Variants in DSCAM observed in about 807,000 individuals in gnomAD.
DSCAM encodes the protein cell adhesion molecule DSCAM.
In DSCAM, 47 loss-of-function variants were observed where a neutral mutation model predicts 217.7. The observed-to-expected ratio is 0.22, with a 90% CI of 0.17 to 0.28. DSCAM has a LOEUF of 0.28. Among genes scored for constraint, DSCAM ranks in the 10% least tolerant of loss-of-function variants. DSCAM has a pLI of 1.00. For synonymous variants in DSCAM, 1,056 were observed against 1,015.3 expected (o/e 1.04, Z -0.76); for missense variants, 2,080 against 2,618.3 (o/e 0.79, Z 4.49).
intron 3 of DSCAM, among the ~76,000 whole-genome samples, chr21:40,370,890 AG>A (rs1601593729): frequency 6.6e-6 from 1 of 152,244 alleles, no homozygotes; most frequent in East Asian, 1.9e-4. Flanking sequence ...CCAAAGTGCC[AG>A]GGAGTGTAAT....
intron 1 of DSCAM, among the ~76,000 whole-genome samples, chr21:40,718,712 A>G (rs1051299530): frequency 3.9e-5 from 6 of 152,230 alleles, no homozygotes; most frequent in African/African-American, 1.4e-4. Context: ...GACAAAAACC[A>G]GAAGTAAATC....
intron 16 of DSCAM, among the ~76,000 whole-genome samples, chr21:40,155,320 G>T (rs1424301132): frequency 6.6e-6 from 1 of 152,190 alleles, no homozygotes; most frequent in East Asian, 1.9e-4. Context: ...GACCTAGAGG[G>T]TGCACTCTGA....
At chr21:40,590,119 A>G (rs1208096974) in intron 3 of DSCAM, among the ~76,000 whole-genome samples, 1 of 152,244 alleles carries the variant, frequency 6.6e-6, no homozygotes, top group African/African-American at 2.4e-5. Flanking sequence ...CAATGTAACT[A>G]AGAAATAGAC....
At chr21:40,272,745 A>C (rs1046887178) in intron 11 of DSCAM, among the ~76,000 whole-genome samples, 1 of 152,198 alleles carries the variant, frequency 6.6e-6, no homozygotes, top group Non-Finnish European at 1.5e-5. Context: ...TCATCCAATT[A>C]GACAGCAAGG....
chr21:40,705,816 G>GT (rs1466411712), intron 2 of DSCAM, among the ~76,000 whole-genome samples: 1 of 152,148 alleles, frequency 6.6e-6, no homozygotes, highest in Non-Finnish European at 1.5e-5. Context: ...GTTTTTGGTT[G>GT]TTTCAGATAA....
At chr21:40,751,298 T>C (rs572077685) in intron 1 of DSCAM, among the ~76,000 whole-genome samples, 1 of 152,310 alleles carries the variant, frequency 6.6e-6, no homozygotes, top group South Asian at 2.1e-4. Context: ...TTTGCACTAA[T>C]TACAATCTAC....
intron 32 of DSCAM, among the ~76,000 whole-genome samples, chr21:40,036,930 C>A (rs913738719): frequency 9.3e-5 from 14 of 150,662 alleles, no homozygotes; most frequent in African/African-American, 1.8e-4. Flanking sequence ...TGATTATCTG[C>A]ATAGATGCAG....
intron 29 of DSCAM, 60 bp downstream of exon 29, chr21:40,055,665 G>T: frequency 1.5e-6 from 2 of 1,306,604 alleles, no homozygotes; most frequent in African/African-American, 1.4e-5. Flanking sequence ...CTGGGGTTTG[G>T]ATTGAGAAGG....
Position 40,612,814 on chromosome 21 carries a change from C to T in DSCAM, c.508+79996G>A, listed in dbSNP as rs1426532092. Reference sequence around the variant, plus strand: ...GTGGCAGGAATATGGAAGGCAGTGGCTGAGTGAAGACACACTGAGAGGTCA... The same window carrying T: ...GTGGCAGGAATATGGAAGGCAGTGGTTGAGTGAAGACACACTGAGAGGTCA... On this transcript the variant is annotated intron_variant, in intron 3 of 32. Coordinates refer to ENST00000400454, the MANE Select transcript of DSCAM (RefSeq NM_001389.5). 5.9e-5 allele frequency among the ~76,000 whole-genome samples: 9 copies of T among 152,270 alleles called. No homozygotes were observed. The South Asian group carries it at 1.9e-3, about 32-fold the overall frequency.
chr21:40,599,785 C>G (rs1178613722), intron 3 of DSCAM, among the ~76,000 whole-genome samples: 1 of 152,012 alleles, frequency 6.6e-6, no homozygotes, highest in African/African-American at 2.4e-5. Context: ...TCACCACTGA[C>G]CCCACAGAAA....
At chr21:40,254,182 T>A (rs1244497946) in intron 11 of DSCAM, among the ~76,000 whole-genome samples, 2 of 152,142 alleles carry the variant, frequency 1.3e-5, no homozygotes, top group Non-Finnish European at 2.9e-5. Flanking sequence ...ATTAGATAAA[T>A]AGTCACAGCT....
intron 32 of DSCAM, among the ~76,000 whole-genome samples, chr21:40,036,734 T>G (rs1322318995): frequency 6.9e-6 from 1 of 144,948 alleles, no homozygotes; most frequent in Non-Finnish European, 1.5e-5. Flanking sequence ...TTTAGACCAA[T>G]ATCCTTGATG....
At chr21:40,094,318 G>A (rs894078281) in intron 20 of DSCAM, among the ~76,000 whole-genome samples, 3 of 152,134 alleles carry the variant, frequency 2.0e-5, no homozygotes, top group African/African-American at 4.8e-5. Flanking sequence ...GCAATTTGTA[G>A]GGCAGTGTAA....
chr21:40,546,277 G>GAGC (rs539882542), intron 3 of DSCAM, among the ~76,000 whole-genome samples: 327 of 152,348 alleles, frequency 2.1e-3, no homozygotes, highest in African/African-American at 7.5e-3. Context: ...GGGTAGCTGT[G>GAGC]AGCAGCATTT....
At chr21:40,457,269 C>T (rs1051218620) in intron 3 of DSCAM, among the ~76,000 whole-genome samples, 29 of 152,232 alleles carry the variant, frequency 1.9e-4, no homozygotes, top group Non-Finnish European at 3.2e-4. Flanking sequence ...CTCAGCACTT[C>T]GGAAAGCCAA....
At chr21:40,351,067 G>A (rs1209004439) in intron 5 of DSCAM, among the ~76,000 whole-genome samples, 1 of 151,464 alleles carries the variant, frequency 6.6e-6, no homozygotes, top group Non-Finnish European at 1.5e-5. Context: ...TACTTTTAAT[G>A]GAATCACTAG....
At chr21:40,073,543 A>T (rs1277963000) in intron 27 of DSCAM, among the ~76,000 whole-genome samples, 2 of 152,318 alleles carry the variant, frequency 1.3e-5, no homozygotes, top group South Asian at 4.1e-4. Context: ...TCCACATTAT[A>T]TGGAACTTCT....
intron 3 of DSCAM, among the ~76,000 whole-genome samples, chr21:40,600,046 T>C (rs988210628): frequency 1.3e-5 from 2 of 152,194 alleles, no homozygotes; most frequent in Admixed American, 6.5e-5. Flanking sequence ...GCTGGTACCA[T>C]CCTTCTGAAA....
At chr21:40,686,335 A>G (rs1450991161) in intron 3 of DSCAM, among the ~76,000 whole-genome samples, 1 of 150,792 alleles carries the variant, frequency 6.6e-6, no homozygotes, top group South Asian at 2.1e-4. Context: ...TACACAGAGT[A>G]CACACCCCAC....
Sources: allele counts gnomAD v4.1 joint callset (sites outside exome capture counted in the v4.1 genomes callset), GRCh38; gene constraint gnomAD v4.1.1; transcripts MANE v1.5; gene names NCBI Gene and HGNC (gene_info 2026-07-23, HGNC 2026-07-21).